SYNDIG1: variants seen among roughly 807,000 people sequenced by gnomAD.
SYNDIG1 encodes synapse differentiation-inducing gene protein 1.
In SYNDIG1, 9 loss-of-function variants were observed where a neutral mutation model predicts 19.4. The observed-to-expected ratio is 0.46, with a 90% CI of 0.28 to 0.81. SYNDIG1 has a LOEUF of 0.81. Among genes scored for constraint, SYNDIG1 ranks in the 30% least tolerant of loss-of-function variants. The pLI is 0.12. For synonymous variants in SYNDIG1, 141 were observed against 145.9 expected (o/e 0.97, Z 0.24); for missense variants, 311 against 343.3 (o/e 0.91, Z 0.74).
intron 2 of SYNDIG1, among the ~76,000 whole-genome samples, chr20:24,570,087 T>C (rs1188229237): frequency 6.6e-6 from 1 of 152,246 alleles, no homozygotes; most frequent in Non-Finnish European, 1.5e-5. Context: ...ATAGAGTTTA[T>C]ATGGACAGGC....
chr20:24,556,438 T>C (rs2057819730), intron 2 of SYNDIG1, among the ~76,000 whole-genome samples: 1 of 152,248 alleles, frequency 6.6e-6, no homozygotes, highest in Non-Finnish European at 1.5e-5. Context: ...TTGCAGGGGC[T>C]GGTACCGATT....
intron 3 of SYNDIG1, among the ~76,000 whole-genome samples, chr20:24,632,433 T>C (rs2059258036): frequency 1.3e-5 from 2 of 152,076 alleles, no homozygotes; most frequent in African/African-American, 4.8e-5. Context: ...AGAGATGGGG[T>C]TTCACCACGT....
At chr20:24,603,019 G>A (rs2058701019) in intron 3 of SYNDIG1, among the ~76,000 whole-genome samples, 1 of 152,150 alleles carries the variant, frequency 6.6e-6, no homozygotes, top group African/African-American at 2.4e-5. Flanking sequence ...CAGGACATGG[G>A]ACGAAGGCCA....
chr20:24,623,311 C>T (rs62215312), intron 3 of SYNDIG1, among the ~76,000 whole-genome samples: 16,663 of 152,070 alleles, frequency 0.11, 1,030 homozygotes, highest in East Asian at 0.15. Context: ...GAATATCCCT[C>T]AAAAGTCAAG....
At chr20:24,576,528 T>C (rs565687636) in intron 2 of SYNDIG1, among the ~76,000 whole-genome samples, 1 of 152,312 alleles carries the variant, frequency 6.6e-6, no homozygotes, top group Admixed American at 6.5e-5. Context: ...TGGAAGGGGC[T>C]GGGTCAAGGC....
chr20:24,628,813 C>T (rs1464656839), intron 3 of SYNDIG1, among the ~76,000 whole-genome samples: 1 of 152,172 alleles, frequency 6.6e-6, no homozygotes, highest in Non-Finnish European at 1.5e-5. Flanking sequence ...TTGCATCCTC[C>T]ACCTGCCCTT....
rs988570396 is a variant in SYNDIG1 at position 24,579,699 on chromosome 20, G to A, written c.481-5157G>A. On this transcript the variant is annotated intron_variant, in intron 2 of 3. Transcript: ENST00000376862. ...AGCGGACACAGCTCCACGTTGGCCAGTGGCTGCCAGGCTCCTCAGTGCAGA... is the reference window on the plus strand; with the variant it reads ...AGCGGACACAGCTCCACGTTGGCCAATGGCTGCCAGGCTCCTCAGTGCAGA... Among the ~76,000 whole-genome samples, 20 of 152,206 alleles carry A rather than the reference G, an allele frequency of 1.3e-4. 1 individual carries two copies. Among genetic ancestry groups the A allele is most frequent in the Admixed American group, 6.5e-5 (1 of 15,280 alleles).
At chr20:24,517,770 T>TAC (rs1444898529) in intron 1 of SYNDIG1, among the ~76,000 whole-genome samples, 20 of 146,642 alleles carry the variant, frequency 1.4e-4, no homozygotes, top group Non-Finnish European at 3.0e-5. Context: ...TATATATATA[T>TAC]ATACATACAC....
intron 2 of SYNDIG1, among the ~76,000 whole-genome samples, chr20:24,583,518 A>C (rs1321902660): frequency 6.6e-6 from 1 of 152,246 alleles, no homozygotes; most frequent in Non-Finnish European, 1.5e-5. Flanking sequence ...GATGGGCGCC[A>C]TCTTTGTATA....
chr20:24,585,216 G>A (rs1047848800), intron 3 of SYNDIG1, among the ~76,000 whole-genome samples: 2 of 152,194 alleles, frequency 1.3e-5, no homozygotes, highest in Admixed American at 6.5e-5. Context: ...CTGTGTCCTC[G>A]CAGAGGTGGG....
intron 3 of SYNDIG1, among the ~76,000 whole-genome samples, chr20:24,590,717 G>GA (rs2058495993): frequency 6.6e-6 from 1 of 152,146 alleles, no homozygotes; most frequent in South Asian, 2.1e-4. Context: ...TCAACTCCAG[G>GA]AGCTGTCGGC....
intron 1 of SYNDIG1, among the ~76,000 whole-genome samples, chr20:24,538,127 C>T (rs2057398734): frequency 1.3e-5 from 2 of 152,000 alleles, no homozygotes; most frequent in Non-Finnish European, 2.9e-5. Flanking sequence ...AGCATAAAAT[C>T]TACAATCTTA....
intron 2 of SYNDIG1, among the ~76,000 whole-genome samples, chr20:24,556,583 A>G (rs1568638393): frequency 1.3e-5 from 2 of 152,184 alleles, no homozygotes; most frequent in Admixed American, 1.3e-4. Context: ...TTGGCGGGAT[A>G]TGAATTTCTG....
intron 3 of SYNDIG1, among the ~76,000 whole-genome samples, chr20:24,648,254 C>A (rs980036533): frequency 7.9e-5 from 12 of 152,170 alleles, no homozygotes; most frequent in African/African-American, 2.9e-4. Context: ...TCACTGAAGC[C>A]CCTCTCTTGA....
rs545015634 is a variant in SYNDIG1 at position 24,620,697 on chromosome 20, C to T, written c.618+35704C>T. 3.2e-4 allele frequency among the ~76,000 whole-genome samples: 48 copies of T among 152,326 alleles called. No individual in the cohort carries two copies. The Middle Eastern group carries it at 0.01, about 32-fold the overall frequency. Reference sequence around the variant, plus strand: ...TTATAAGGGATGGGAAAAATTGCAGCTGCTATTTTGGGACTATATAGTCTG... The same window carrying T: ...TTATAAGGGATGGGAAAAATTGCAGTTGCTATTTTGGGACTATATAGTCTG... On this transcript the variant is annotated intron_variant, in intron 3 of 3. Transcript: ENST00000376862.
At chr20:24,650,826 A>C (rs1412920811) in intron 3 of SYNDIG1, among the ~76,000 whole-genome samples, 1 of 108,900 alleles carries the variant, frequency 9.2e-6, no homozygotes, top group Non-Finnish European at 1.8e-5. Context: ...AATGACTCTT[A>C]TTTCTTGTTT....
At chr20:24,516,822 G>T (rs1418319213) in intron 1 of SYNDIG1, among the ~76,000 whole-genome samples, 3 of 152,022 alleles carry the variant, frequency 2.0e-5, no homozygotes, top group Non-Finnish European at 4.4e-5. Flanking sequence ...TACTGGGTAT[G>T]TACCCAAAGG....
chr20:24,565,114 T>G (rs1376992170), intron 2 of SYNDIG1, among the ~76,000 whole-genome samples: 3 of 152,140 alleles, frequency 2.0e-5, no homozygotes, highest in African/African-American at 7.2e-5. Flanking sequence ...CAAATTCCCA[T>G]GTAGGCAAAA....
chr20:24,600,627 A>ATTTT, intron 3 of SYNDIG1, among the ~76,000 whole-genome samples: 1 of 108,080 alleles, frequency 9.3e-6, no homozygotes, highest in Non-Finnish European at 1.8e-5. Flanking sequence ...TTTTTTTGAG[A>ATTTT]TGGAGTTTCA....
Sources: gnomAD v4.1 joint callset for allele counts (sites outside exome capture counted in the v4.1 genomes callset) on GRCh38, gnomAD v4.1.1 for gene constraint, MANE v1.5 for transcripts, NCBI Gene and HGNC (gene_info 2026-07-23, HGNC 2026-07-21) for gene names.